TMEM167B: variants seen among roughly 807,000 people sequenced by gnomAD.
The protein encoded by TMEM167B is transmembrane protein 167B, also known as protein kish-B.
In TMEM167B, 2 loss-of-function variants were observed where a neutral mutation model predicts 9.4. That is an observed-to-expected ratio of 0.21 (90% CI 0.09 to 0.67). The LOEUF (loss-of-function observed/expected upper bound fraction) is 0.67. Among genes scored for constraint, TMEM167B ranks in the 30% least tolerant of loss-of-function variants. TMEM167B has a pLI of 0.82. For missense variants in TMEM167B, 68 were observed against 87.6 expected (o/e 0.78, Z 0.89); for synonymous variants, 28 against 32.0 (o/e 0.87, Z 0.42).
Position 109,096,930 on chromosome 1 carries a change from C to G in TMEM167B, c.*2431C>G, listed in dbSNP as rs572319035. On this transcript the variant is annotated 3_prime_UTR_variant, in exon 3 of 3. Coordinates refer to ENST00000338272, the MANE Select transcript of TMEM167B (RefSeq NM_020141.4). The stretch of plus-strand genomic sequence containing the variant: ...TCCTTGAAAATAAACCTTTTTTTCC[C>G]TACAGTCTTTGTCAATTTATTTGTC... 6.6e-6 allele frequency: 1 copy of G among 152,038 alleles called. No individual in the cohort carries two copies. Among genetic ancestry groups the G allele is most frequent in the African/African-American group, 2.4e-5 (1 of 41,404 alleles). The allele number at this position is 152,038 out of a possible 1,614,324, so 9.4% of individuals were successfully genotyped here. A position where few individuals can be genotyped will look rare whatever the true frequency, so the allele number is the denominator to read the frequency against.
chr1:109,092,799 C>T, intron 1 of TMEM167B, 91 bp from the exon 2 acceptor site: 2 of 1,439,020 alleles, frequency 1.4e-6, no homozygotes, highest in Non-Finnish European at 1.9e-6. Flanking sequence ...GTTATTATGT[C>T]ACACACTATC....
Position 109,090,996 on chromosome 1 carries a change from C to G in TMEM167B, c.10+114C>G, listed in dbSNP as rs1664435950. 9 of 1,323,972 alleles carry G rather than the reference C, an allele frequency of 6.8e-6. No homozygotes were observed. In the East Asian group the frequency reaches 1.0e-4, roughly 15 times the overall value. 82.0% of individuals were successfully genotyped at this position (1,323,972 alleles called of 1,614,324 possible). ...CCCGCCCCCTCCCAGCCCGGCCCCC[C>G]TTGGCCTCTCGACGCCCCTAACTTC... On this transcript the variant is annotated intron_variant, in intron 1 of 2. Coordinates refer to ENST00000338272, the MANE Select transcript of TMEM167B (RefSeq NM_020141.4).
chr1:109,090,827 T>C lies in TMEM167B; in HGVS notation c.-46T>C. On this transcript the variant is annotated 5_prime_UTR_variant, in exon 1 of 3. Transcript: ENST00000338272. ...GGGCGCTCCCCCATCTCCGCCGCTATTACCACTGAACCCGGACCCCCTACC... is the reference window on the plus strand; with the variant it reads ...GGGCGCTCCCCCATCTCCGCCGCTACTACCACTGAACCCGGACCCCCTACC... The C allele has an allele frequency of 6.4e-7, 1 of 1,573,982 alleles. No homozygotes were observed. Among genetic ancestry groups the C allele is most frequent in the Non-Finnish European group, 8.6e-7 (1 of 1,159,356 alleles).
At chr1:109,093,628 A>C (rs1664503945) in intron 2 of TMEM167B, 2 of 152,150 alleles carry the variant, frequency 1.3e-5, no homozygotes, top group African/African-American at 4.8e-5. Context: ...GTGGGAAAAA[A>C]ATTTTTCTAC....
At chr1:109,092,757 G>A in intron 1 of TMEM167B, 133 bp from the exon 2 acceptor site, 1 of 1,011,724 alleles carries the variant, frequency 9.9e-7, no homozygotes, top group South Asian at 1.6e-5. Flanking sequence ...CCCTTGTCAA[G>A]TGTCAGTACT....
intron 2 of TMEM167B, 86 bp from the exon 3 acceptor site, chr1:109,094,331 G>A: frequency 2.2e-6 from 3 of 1,340,870 alleles, no homozygotes; most frequent in Non-Finnish European, 1.1e-6. Flanking sequence ...ATGTCTGTCT[G>A]TGACTAGAGA....
intron 1 of TMEM167B, 30 bp downstream of exon 1, chr1:109,090,912 G>A: frequency 1.9e-6 from 3 of 1,579,198 alleles, no homozygotes; most frequent in Non-Finnish European, 1.7e-6. Context: ...GCGGAGGGTG[G>A]GAGTGAAGGA....
At chr1:109,092,214 G>C (rs1664465643) in intron 1 of TMEM167B, among the ~76,000 whole-genome samples, 1 of 152,114 alleles carries the variant, frequency 6.6e-6, no homozygotes. Flanking sequence ...TTATTATTCT[G>C]GCAGAAATTC....
rs979503087 is a variant in TMEM167B at position 109,090,782 on chromosome 1, C to G, written c.-91C>G. ...ACGGCTTCTTCCAGTCACCTCGGCC[C>G]GGATCGGGAAGTGTCAAGCGGGCGC... On this transcript the variant is annotated 5_prime_UTR_variant, in exon 1 of 3. Transcript: ENST00000338272. The G allele has an allele frequency of 1.0e-5, 15 of 1,498,782 alleles. No individual in the cohort carries two copies. In the Admixed American group the frequency reaches 2.4e-4, roughly 24 times the overall value. 92.8% of individuals were successfully genotyped at this position (1,498,782 alleles called of 1,614,324 possible).
Position 109,094,487 on chromosome 1 carries a change from G to A in TMEM167B, c.213G>A (p.Leu71=). 1 of 1,613,898 alleles carries A rather than the reference G, an allele frequency of 6.2e-7. No individual in the cohort carries two copies. The highest frequency in any genetic ancestry group is 8.5e-7 in the Non-Finnish European group (1 of 1,180,016). The change falls in exon 3 of 3, where the codon CTG becomes CTA. Residue 71 remains leucine (L), a synonymous_variant. Coordinates refer to ENST00000338272, the MANE Select transcript of TMEM167B (RefSeq NM_020141.4). ...GTGTTGTAATGGCCTTTTACGTCCT[G>A]TTTATAAAATGAATTCCAAAGCACC... The part of the protein sequence containing the change: ...IACVVMAFYV[L]FIK
Position 109,093,036 on chromosome 1 carries a change from G to A in TMEM167B, c.142+15G>A, listed in dbSNP as rs1368435303. On this transcript the variant is annotated intron_variant, in intron 2 of 2. Coordinates refer to ENST00000338272, the MANE Select transcript of TMEM167B (RefSeq NM_020141.4). ...GTTTTACAAAGGTGAGGCCATGTCT[G>A]GACAGGGAGAAGAGACTGCCATCTC... 6.2e-7 allele frequency: 1 copy of A among 1,613,954 alleles called. No homozygotes were observed. Among genetic ancestry groups the A allele is most frequent in the East Asian group, 2.2e-5 (1 of 44,882 alleles).
At chr1:109,093,311 G>T (rs79424058) in intron 2 of TMEM167B, 1 of 304,682 alleles carries the variant, frequency 3.3e-6, no homozygotes, top group African/African-American at 2.2e-5. Flanking sequence ...GGGCAACACA[G>T]TGAGACCCCA....
rs1336470178 is a variant in TMEM167B at position 109,095,192 on chromosome 1, G to A, written c.*693G>A. On this transcript the variant is annotated 3_prime_UTR_variant, in exon 3 of 3. Transcript: ENST00000338272. ...GATGAGACCAGAAAGCAGTGGCTTAGACAAGAAAAAATCTTTCTGTTCACC... is the reference window on the plus strand; with the variant it reads ...GATGAGACCAGAAAGCAGTGGCTTAAACAAGAAAAAATCTTTCTGTTCACC... 6.6e-6 allele frequency: 1 copy of A among 152,190 alleles called. No homozygotes were observed. Among genetic ancestry groups the A allele is most frequent in the Non-Finnish European group, 1.5e-5 (1 of 68,010 alleles). 9.4% of individuals were successfully genotyped at this position (152,190 alleles called of 1,614,324 possible). A position where few individuals can be genotyped will look rare whatever the true frequency, so the allele number is the denominator to read the frequency against.
rs1002590719 is a variant in TMEM167B, at chr1:109,095,940, T to C, written c.*1441T>C. On this transcript the variant is annotated 3_prime_UTR_variant, in exon 3 of 3. Transcript: ENST00000338272. Reference sequence around the variant, plus strand: ...AAAGAGTAGGTCTAAAATTAAATTATTATAAGCAAGCATAGACATGGGTCT... The same window carrying C: ...AAAGAGTAGGTCTAAAATTAAATTACTATAAGCAAGCATAGACATGGGTCT... 1 of 152,204 alleles carries C rather than the reference T, an allele frequency of 6.6e-6. No homozygotes were observed. Among genetic ancestry groups the C allele is most frequent in the African/African-American group, 2.4e-5 (1 of 41,442 alleles). 9.4% of individuals were successfully genotyped at this position (152,204 alleles called of 1,614,324 possible). A position where few individuals can be genotyped will look rare whatever the true frequency, so the allele number is the denominator to read the frequency against.
chr1:109,092,863 G>A (rs917252790), intron 1 of TMEM167B, 27 bp from the exon 2 acceptor site: 1 of 1,612,896 alleles, frequency 6.2e-7, no homozygotes, highest in African/African-American at 1.3e-5. Flanking sequence ...CAGTACCTAA[G>A]GTTTTCTTTT....
chr1:109,096,819 C>T lies in TMEM167B; in HGVS notation c.*2320C>T, dbSNP rs1235577496. Reference sequence around the variant, plus strand: ...TGCCTCAGATTCAAACTGGCATCACCATAAACCCTGTAGGCCAGGGTGGAA... The same window carrying T: ...TGCCTCAGATTCAAACTGGCATCACTATAAACCCTGTAGGCCAGGGTGGAA... On this transcript the variant is annotated 3_prime_UTR_variant, in exon 3 of 3. Transcript: ENST00000338272. The T allele has an allele frequency of 6.6e-6, 1 of 152,174 alleles. No individual in the cohort carries two copies. Among genetic ancestry groups the T allele is most frequent in the Non-Finnish European group, 1.5e-5 (1 of 68,022 alleles). The allele number at this position is 152,174 out of a possible 1,614,324, so 9.4% of individuals were successfully genotyped here. A position where few individuals can be genotyped will look rare whatever the true frequency, so the allele number is the denominator to read the frequency against.
In TMEM167B at chr1:109,094,598, A is replaced by G; in HGVS notation, c.*99A>G. On this transcript the variant is annotated 3_prime_UTR_variant, in exon 3 of 3. Transcript: ENST00000338272. ...AGTGTAGGAGAGTTCAGCTGAAATC[A>G]TCGGTCCCCAGGATGACACCACAGC... 1.7e-6 allele frequency: 2 copies of G among 1,169,712 alleles called. No individual in the cohort carries two copies. Among genetic ancestry groups the G allele is most frequent in the Non-Finnish European group, 2.5e-6 (2 of 788,636 alleles). 72.5% of individuals were successfully genotyped at this position (1,169,712 alleles called of 1,614,324 possible). A position where few individuals can be genotyped will look rare whatever the true frequency, so the allele number is the denominator to read the frequency against.
Position 109,090,800 on chromosome 1 carries a change from G to A in TMEM167B, c.-73G>A. ...CTCGGCCCGGATCGGGAAGTGTCAA[G>A]CGGGCGCTCCCCCATCTCCGCCGCT... On this transcript the variant is annotated 5_prime_UTR_variant, in exon 1 of 3. Coordinates refer to ENST00000338272, the MANE Select transcript of TMEM167B (RefSeq NM_020141.4). 6.5e-7 allele frequency: 1 copy of A among 1,544,116 alleles called. No homozygotes were observed. The highest frequency in any genetic ancestry group is 8.8e-7 in the Non-Finnish European group (1 of 1,139,184).
At chr1:109,092,849 A>G (rs1196618019) in intron 1 of TMEM167B, 41 bp from the exon 2 acceptor site, 56 of 1,608,320 alleles carry the variant, frequency 3.5e-5, no homozygotes, top group Non-Finnish European at 4.7e-5. Flanking sequence ...GTCCGACGCT[A>G]GATCAGTACC....
Sources: allele counts gnomAD v4.1 joint callset (sites outside exome capture counted in the v4.1 genomes callset), GRCh38; gene constraint gnomAD v4.1.1; transcripts MANE v1.5; gene names NCBI Gene and HGNC (gene_info 2026-07-23, HGNC 2026-07-21).